NECTIN2: variants seen among roughly 807,000 people sequenced by gnomAD.
NECTIN2 encodes nectin cell adhesion molecule 2, also known as nectin-2.
A neutral mutation model predicts 56.9 loss-of-function variants in NECTIN2; 23 were observed. The ratio of observed to expected loss-of-function variants is 0.40; its 90% CI spans 0.29 to 0.57. The LOEUF is 0.57. NECTIN2 is among the 20% of genes least tolerant of loss of function. The pLI is 0.38. For missense variants in NECTIN2, 587 were observed against 718.3 expected, an observed-to-expected ratio of 0.82 and a Z score of 2.09; for synonymous variants, 302 against 313.8, an observed-to-expected ratio of 0.96 and a Z score of 0.40.
At chr19:44,877,959 C>T (rs1163287193) in intron 5 of NECTIN2, among the ~76,000 whole-genome samples, 1 of 152,086 alleles carries the variant, frequency 6.6e-6, no homozygotes, top group Non-Finnish European at 1.5e-5. Flanking sequence ...ACACTAACAC[C>T]TGGGGACCAC....
chr19:44,857,576 T>A (rs566054115), intron 1 of NECTIN2, among the ~76,000 whole-genome samples: 1 of 152,128 alleles, frequency 6.6e-6, no homozygotes, highest in South Asian at 2.1e-4. Flanking sequence ...TAATGTTTAT[T>A]TTTTTAGTAG....
chr19:44,874,558 C>T lies in NECTIN2; in HGVS notation c.1042+80C>T. 3 of 1,554,160 alleles carry T rather than the reference C, an allele frequency of 1.9e-6. No homozygotes were observed. The highest frequency in any genetic ancestry group is 2.6e-6 in the Non-Finnish European group (3 of 1,143,162). On this transcript the variant is annotated intron_variant, in intron 5 of 8. Coordinates refer to ENST00000252483, the MANE Select transcript of NECTIN2 (RefSeq NM_001042724.2). The surrounding 1 kb of genome is among the most constrained non-coding windows in gnomAD (Gnocchi z 6.3). Reference sequence around the variant, plus strand: ...CTGCCCTTCAGGACTTGGGGCTGCACTGGGGGAGGCTGCGCCGCCGACCTG... The same window carrying T: ...CTGCCCTTCAGGACTTGGGGCTGCATTGGGGGAGGCTGCGCCGCCGACCTG...
Position 44,888,349 on chromosome 19 carries a change from C to T in NECTIN2, c.1587C>T (p.Gly529=), listed in dbSNP as rs1157556781. 2 of 1,613,658 alleles carry T rather than the reference C, an allele frequency of 1.2e-6. No homozygotes were observed. The highest frequency in any genetic ancestry group is 1.7e-6 in the Non-Finnish European group (2 of 1,179,672). The change falls in exon 9 of 9, where the codon GGC becomes GGT. Residue 529 remains glycine (G), a synonymous_variant. Transcript: ENST00000252483. ...CCTCTGATTCCTACCAGGGCAAAGGCTTTGTCATGTCCCGGGCCATGTATG... is the reference window on the plus strand; with the variant it reads ...CCTCTGATTCCTACCAGGGCAAAGGTTTTGTCATGTCCCGGGCCATGTATG... ...SSPSDSYQGK[G]FVMSRAMYV
intron 8 of NECTIN2, 88 bp downstream of exon 8, chr19:44,886,307 A>T: frequency 9.3e-7 from 1 of 1,079,964 alleles, no homozygotes; most frequent in Non-Finnish European, 1.4e-6. Flanking sequence ...CAAAGACTAA[A>T]GGTCATAACT....
chr19:44,857,730 A>T (rs1437115182), intron 1 of NECTIN2, among the ~76,000 whole-genome samples: 1 of 138,032 alleles, frequency 7.2e-6, no homozygotes, highest in African/African-American at 2.8e-5. Flanking sequence ...TTTTTAAGAG[A>T]TGAAGTCTCA....
chr19:44,881,025 C>T (rs564889860), intron 5 of NECTIN2, among the ~76,000 whole-genome samples: 66 of 152,188 alleles, frequency 4.3e-4, no homozygotes, highest in African/African-American at 1.5e-3. Context: ...CCACCTGCCT[C>T]GGCCTCCCAA....
chr19:44,846,480 T>C lies in NECTIN2; in HGVS notation c.-46T>C. 7.1e-7 allele frequency: 1 copy of C among 1,409,546 alleles called. No homozygotes were observed. 87.3% of individuals were successfully genotyped at this position (1,409,546 alleles called of 1,614,324 possible). On this transcript the variant is annotated 5_prime_UTR_variant, in exon 1 of 9. Transcript: ENST00000252483. ...GCCCAGCCGATCGGCCCCCACAGAGTGGCCCGCGGGCCTCCGGCCGGGCCC... is the reference window on the plus strand; with the variant it reads ...GCCCAGCCGATCGGCCCCCACAGAGCGGCCCGCGGGCCTCCGGCCGGGCCC...
At chr19:44,861,694 C>T (rs368926276) in intron 1 of NECTIN2, among the ~76,000 whole-genome samples, 7 of 152,176 alleles carry the variant, frequency 4.6e-5, no homozygotes, top group African/African-American at 9.6e-5. Flanking sequence ...GCAAAGGACA[C>T]GAACAGACAC....
intron 1 of NECTIN2, among the ~76,000 whole-genome samples, chr19:44,862,573 G>A (rs890438576): frequency 6.6e-6 from 1 of 152,082 alleles, no homozygotes; most frequent in Middle Eastern, 3.2e-3. Flanking sequence ...TGGAACTGGA[G>A]GCCATTATCC....
intron 5 of NECTIN2, among the ~76,000 whole-genome samples, chr19:44,876,106 G>T (rs1281932864): frequency 6.6e-6 from 1 of 152,082 alleles, no homozygotes; most frequent in Non-Finnish European, 1.5e-5. Flanking sequence ...AAACTCCTCC[G>T]AAATTATCCA....
rs927152195 is a variant in NECTIN2 at position 44,888,010 on chromosome 19, T to C, written c.1348-100T>C. 4.6e-6 allele frequency: 6 copies of C among 1,307,012 alleles called. No homozygotes were observed. In the African/African-American group the frequency reaches 7.4e-5, roughly 16 times the overall value. 81.0% of individuals were successfully genotyped at this position (1,307,012 alleles called of 1,614,324 possible). On this transcript the variant is annotated intron_variant, in intron 8 of 8. Transcript: ENST00000252483. Reference sequence around the variant, plus strand: ...GGAGTGAGGTGGCATCTTGTTGGCATGGGGAGAGAGCGGTCAGGATTTTGG... The same window carrying C: ...GGAGTGAGGTGGCATCTTGTTGGCACGGGGAGAGAGCGGTCAGGATTTTGG...
intron 8 of NECTIN2, 103 bp from the exon 9 acceptor site, chr19:44,888,007 G>T: frequency 7.9e-7 from 1 of 1,271,970 alleles, no homozygotes; most frequent in Non-Finnish European, 1.1e-6. Flanking sequence ...CATCTTGTTG[G>T]CATGGGGAGA....
intron 2 of NECTIN2, among the ~76,000 whole-genome samples, chr19:44,867,760 G>T (rs1471414229): frequency 6.6e-6 from 1 of 152,150 alleles, no homozygotes; most frequent in African/African-American, 2.4e-5. Flanking sequence ...CATTACACGG[G>T]CTTCACAGGT....
At chr19:44,879,595 A>G (rs1969285791) in intron 5 of NECTIN2, among the ~76,000 whole-genome samples, 1 of 151,964 alleles carries the variant, frequency 6.6e-6, no homozygotes, top group Non-Finnish European at 1.5e-5. Context: ...GAGTGGCGGC[A>G]GCTCCCTCCA....
chr19:44,881,086 ATTTTTAAAATTTTTT>A (rs1969302799), intron 5 of NECTIN2, among the ~76,000 whole-genome samples: 1 of 148,928 alleles, frequency 6.7e-6, no homozygotes, highest in Non-Finnish European at 1.5e-5. Flanking sequence ...CCCCCGGCTA[ATTTTTAAAATTTTTT>A]CTAGAGATGA....
intron 3 of NECTIN2, among the ~76,000 whole-genome samples, 160 bp downstream of exon 3, chr19:44,872,309 A>G (rs550560796): frequency 6.6e-6 from 1 of 151,724 alleles, no homozygotes; most frequent in Non-Finnish European, 1.5e-5. Flanking sequence ...CCATGGGCAA[A>G]TCTACATACT....
chr19:44,854,628 C>G (rs1174475369), intron 1 of NECTIN2, among the ~76,000 whole-genome samples: 1 of 151,854 alleles, frequency 6.6e-6, no homozygotes, highest in African/African-American at 2.4e-5. Flanking sequence ...GCCTGGCTGA[C>G]ATGGCGAAAC....
intron 6 of NECTIN2, among the ~76,000 whole-genome samples, 182 bp from the exon 7 acceptor site, chr19:44,885,755 G>A (rs1034105927): frequency 3.3e-5 from 5 of 152,206 alleles, no homozygotes; most frequent in Non-Finnish European, 5.9e-5. Context: ...ATCCACTGGG[G>A]AAACCTGAAG....
chr19:44,849,990 G>A (rs1382253229), intron 1 of NECTIN2, among the ~76,000 whole-genome samples: 2 of 152,208 alleles, frequency 1.3e-5, no homozygotes, highest in Non-Finnish European at 2.9e-5. Flanking sequence ...CAAAGAGACA[G>A]AGAATATAAG....
Sources: allele counts gnomAD v4.1 joint callset (sites outside exome capture counted in the v4.1 genomes callset), GRCh38; gene constraint gnomAD v4.1.1; non-coding constraint Gnocchi (gnomAD v3.1); transcripts MANE v1.5; gene names NCBI Gene and HGNC (gene_info 2026-07-23, HGNC 2026-07-21).